Variants in RASSF5 observed in about 807,000 individuals in gnomAD.
RASSF5 encodes ras association domain-containing protein 5.
A neutral mutation model predicts 40.5 loss-of-function variants in RASSF5; 25 were observed. That is an observed-to-expected ratio of 0.62 (90% confidence interval 0.45 to 0.86). The LOEUF (loss-of-function observed/expected upper bound fraction) is 0.86. Among genes scored for constraint, RASSF5 ranks in the 40% least tolerant of loss-of-function variants. The pLI, the probability that RASSF5 is intolerant of heterozygous loss-of-function variation, is 0.00. For missense variants in RASSF5, 521 were observed against 572.8 expected (o/e 0.91, Z 0.92); for synonymous variants, 246 against 252.4 (o/e 0.97, Z 0.24).
chr1:206,512,185 C>T (rs558619793), intron 1 of RASSF5, among the ~76,000 whole-genome samples: 31 of 152,214 alleles, frequency 2.0e-4, no homozygotes, highest in African/African-American at 6.0e-4. Context: ...CCCTCTCCTA[C>T]CCCTGGCTCT....
intron 2 of RASSF5, among the ~76,000 whole-genome samples, chr1:206,546,089 ATTTTTTT>A (rs10603701): frequency 7.5e-4 from 36 of 48,216 alleles, no homozygotes; most frequent in African/African-American, 1.5e-3. Context: ...TTCTTTTTCT[ATTTTTTT>A]TTTTTTTTTT....
chr1:206,545,376 G>T (rs1393086225), intron 2 of RASSF5, among the ~76,000 whole-genome samples: 2 of 143,290 alleles, frequency 1.4e-5, no homozygotes, highest in East Asian at 4.1e-4. Context: ...AACAGACAGG[G>T]TCTCACTCTT....
chr1:206,580,433 G>A (rs1473899895), intron 2 of RASSF5, among the ~76,000 whole-genome samples: 1 of 152,212 alleles, frequency 6.6e-6, no homozygotes, highest in Non-Finnish European at 1.5e-5. Flanking sequence ...GAGACAGAGT[G>A]AGTGTATAAT....
chr1:206,558,894 G>T (rs1264721019), intron 2 of RASSF5, among the ~76,000 whole-genome samples: 8 of 152,170 alleles, frequency 5.3e-5, no homozygotes, highest in Admixed American at 3.3e-4. Flanking sequence ...TGTAGGTGGG[G>T]CTCCTGCAGA....
intron 2 of RASSF5, among the ~76,000 whole-genome samples, chr1:206,550,091 T>G (rs1553400858): frequency 6.6e-6 from 1 of 152,134 alleles, no homozygotes; most frequent in Admixed American, 6.5e-5. Flanking sequence ...GGCTCCACCT[T>G]AGTACCCGCT....
chr1:206,540,899 A>AT (rs760179122), intron 2 of RASSF5, among the ~76,000 whole-genome samples: 101 of 151,004 alleles, frequency 6.7e-4, no homozygotes, highest in Non-Finnish European at 4.7e-4. Context: ...TCTGATATAT[A>AT]TTTTTTTTTC....
At chr1:206,574,254 G>A (rs1163799757) in intron 2 of RASSF5, among the ~76,000 whole-genome samples, 6 of 152,208 alleles carry the variant, frequency 3.9e-5, no homozygotes, top group African/African-American at 1.4e-4. Flanking sequence ...GATCTGTGCT[G>A]CTTGAGGCTT....
rs782593840 is a variant in RASSF5, at chr1:206,568,558, C to T, written c.580-14711C>T. 2.0e-5 allele frequency among the ~76,000 whole-genome samples: 3 copies of T among 152,194 alleles called. No homozygotes were observed. In the South Asian group the frequency reaches 6.2e-4, roughly 31 times the overall value. On this transcript the variant is annotated intron_variant, in intron 2 of 5. Transcript: ENST00000579436. ...CTCCGGAGACCACTCGGCTCCCACA[C>T]ACCACCTCTGAATGATCTGAATCAT...
intron 2 of RASSF5, among the ~76,000 whole-genome samples, chr1:206,562,843 A>AC (rs1158476980): frequency 6.6e-6 from 1 of 151,508 alleles, no homozygotes; most frequent in Non-Finnish European, 1.5e-5. Context: ...AATGGTGTGA[A>AC]CCCGGGAGGC....
At chr1:206,550,648 T>G (rs947615227) in intron 2 of RASSF5, among the ~76,000 whole-genome samples, 48 of 152,204 alleles carry the variant, frequency 3.2e-4, no homozygotes, top group African/African-American at 1.2e-3. Context: ...TGAACCTTGT[T>G]TGTTTACCAG....
intron 2 of RASSF5, chr1:206,557,533 C>T (rs1668024449): frequency 1.2e-6 from 2 of 1,611,824 alleles, no homozygotes; most frequent in African/African-American, 2.7e-5. Context: ...AGCCCGGCCC[C>T]CTTGATGCGC....
At chr1:206,536,723 A>C (rs1242412665) in intron 1 of RASSF5, among the ~76,000 whole-genome samples, 2 of 152,212 alleles carry the variant, frequency 1.3e-5, no homozygotes, top group African/African-American at 4.8e-5. Context: ...CTTATCAACA[A>C]AAAGTGGCCC....
intron 1 of RASSF5, among the ~76,000 whole-genome samples, chr1:206,530,118 A>G (rs921220348): frequency 5.9e-5 from 9 of 152,132 alleles, no homozygotes; most frequent in Admixed American, 3.3e-4. Flanking sequence ...TTAGTAAAGA[A>G]TATATTTCCA....
chr1:206,560,684 T>A lies in RASSF5; in HGVS notation c.579+22391T>A, dbSNP rs1668113636. On this transcript the variant is annotated intron_variant, in intron 2 of 5. Coordinates refer to ENST00000579436, the MANE Select transcript of RASSF5 (RefSeq NM_182663.4). This position sits in a 1 kb window ranked among gnomAD's most constrained non-coding sequence, Gnocchi z 5.1. ...AGAGCCAGCCTGTGGGCTTGGGCAG[T>A]GCAGACGTAGATGGTCTCAGTAAGA... is the stretch of plus-strand genomic sequence containing the variant. Among the ~76,000 whole-genome samples, 1 of 152,170 alleles carries A rather than the reference T, an allele frequency of 6.6e-6. No individual in the cohort carries two copies. The highest frequency in any genetic ancestry group is 1.5e-5 in the Non-Finnish European group (1 of 68,020).
chr1:206,562,252 A>T (rs1668165973), intron 2 of RASSF5, among the ~76,000 whole-genome samples: 2 of 152,180 alleles, frequency 1.3e-5, no homozygotes, highest in Admixed American at 1.3e-4. Context: ...GGAGGTCCCC[A>T]TCTCTCTGCT....
Position 206,584,632 on chromosome 1 carries a change from G to C in RASSF5, c.936G>C (p.Val312=). The C allele has an allele frequency of 6.2e-7, 1 of 1,614,224 alleles. No homozygotes were observed. Among genetic ancestry groups the C allele is most frequent in the Non-Finnish European group, 8.5e-7 (1 of 1,180,038 alleles). The change falls in exon 4 of 6, where the codon GTG becomes GTC. Residue 312 remains valine, a synonymous_variant. Coordinates refer to ENST00000579436, the MANE Select transcript of RASSF5 (RefSeq NM_182663.4). This position sits in a 1 kb window ranked among gnomAD's most constrained non-coding sequence, Gnocchi z 4.9. ...IQGLLKKFMV[V]DNPQKFALFK... ...GGCTGCTCAAGAAGTTCATGGTTGT[G>C]GACAATCCCCAGAAGTTTGCACTTT...
intron 2 of RASSF5, among the ~76,000 whole-genome samples, chr1:206,561,796 G>T (rs1553402686): frequency 6.7e-6 from 1 of 149,394 alleles, no homozygotes; most frequent in African/African-American, 2.5e-5. Flanking sequence ...CTCCTGAGTA[G>T]CTGAGATTAC....
At chr1:206,549,843 C>CTG (rs1667786107) in intron 2 of RASSF5, among the ~76,000 whole-genome samples, 1 of 152,172 alleles carries the variant, frequency 6.6e-6, no homozygotes, top group Non-Finnish European at 1.5e-5. Context: ...TATTCCTGCC[C>CTG]TGTATGAGGG....
At chr1:206,524,688 A>AAT (rs1667052402) in intron 1 of RASSF5, among the ~76,000 whole-genome samples, 1 of 83,102 alleles carries the variant, frequency 1.2e-5, no homozygotes, top group African/African-American at 4.9e-5. Flanking sequence ...ATATATATTT[A>AAT]ATATATTATA....
Sources: gnomAD v4.1 joint callset for allele counts (sites outside exome capture counted in the v4.1 genomes callset) on GRCh38, gnomAD v4.1.1 for gene constraint, Gnocchi (gnomAD v3.1) non-coding constraint, MANE v1.5 for transcripts, NCBI Gene and HGNC (gene_info 2026-07-23, HGNC 2026-07-21) for gene names.